The following BCAR1 variants were observed in gnomAD, a reference collection of about 807,000 sequenced individuals.
BCAR1 encodes the protein BCAR1 scaffold protein, Cas family member.
Under a neutral mutation model 67.6 loss-of-function variants are expected in BCAR1, and 30 were observed. The ratio of observed to expected loss-of-function variants is 0.44; its 90% CI spans 0.33 to 0.60. The LOEUF is 0.60. Ranked by LOEUF, BCAR1 falls within the 20% of genes least tolerant of loss-of-function variation. BCAR1 has a pLI of 0.02. For synonymous variants in BCAR1, 626 were observed against 556.7 expected, an observed-to-expected ratio of 1.12 and a Z score of -1.75; for missense variants, 1,313 against 1,222.3, an observed-to-expected ratio of 1.07 and a Z score of -1.11.
In BCAR1 at chr16:75,237,209, GC is replaced by G; in HGVS notation, c.768del (p.Leu257CysfsTer56). The G allele has an allele frequency of 1.3e-6, 2 of 1,569,882 alleles. No homozygotes were observed. The highest frequency in any genetic ancestry group is 2.4e-5 in the East Asian group (1 of 42,112). On this transcript the variant is annotated frameshift_variant, in exon 3 of 7. Coordinates refer to ENST00000162330, the MANE Select transcript of BCAR1 (RefSeq NM_014567.5). LOFTEE classifies it high-confidence loss of function. ...TCCTGGCCATACTGGCTGGGAAGCAGCCCCCGAACCGGGGGCACATCATAGA... is the reference window on the plus strand; with the variant it reads ...TCCTGGCCATACTGGCTGGGAAGCAGCCCCGAACCGGGGGCACATCATAGA... ...QDIYDVPPVR[G>X]LLPSQYGQEV...
intron 1 of BCAR1, among the ~76,000 whole-genome samples, chr16:75,250,443 A>C (rs1468093083): frequency 6.6e-6 from 1 of 152,178 alleles, no homozygotes; most frequent in Non-Finnish European, 1.5e-5. Flanking sequence ...CTCACTAGCA[A>C]AGAAGAGATC....
chr16:75,252,932 T>C (rs1407337172), upstream of BCAR1, among the ~76,000 whole-genome samples: 1 of 152,200 alleles, frequency 6.6e-6, no homozygotes, highest in Non-Finnish European at 1.5e-5. Flanking sequence ...AACAGACTCC[T>C]GTGTCCCACC....
At chr16:75,250,746 A>G (rs1463614118) in intron 1 of BCAR1, 5 of 985,308 alleles carry the variant, frequency 5.1e-6, no homozygotes, top group East Asian at 2.3e-4. Flanking sequence ...TCCCCCAACC[A>G]TGGACTCCAA....
Position 75,229,564 on chromosome 16 carries a change from C to T in BCAR1, c.2560G>A (p.Gly854Ser), listed in dbSNP as rs1256493358. Residue 854 changes from glycine to serine, a missense_variant, in exon 7 of 7, where the codon GGC (glycine) becomes AGC (serine). By Grantham distance (56) the Gly-to-Ser change is moderately conservative. Transcript: ENST00000162330. ...QDMVERVKELGHSTQQFRRVL... is the reference protein window; with the variant it reads ...QDMVERVKELSHSTQQFRRVL... ...CGGCGGAACTGCTGGGTGCTGTGGC[C>T]CAGCTCCTTGACCCTCTCCACCATG... 3.1e-6 allele frequency: 5 copies of T among 1,607,566 alleles called. No individual in the cohort carries two copies. Among genetic ancestry groups the T allele is most frequent in the Non-Finnish European group, 4.2e-6 (5 of 1,177,930 alleles).
intron 5 of BCAR1, among the ~76,000 whole-genome samples, chr16:75,234,596 C>A (rs1031448243): frequency 1.3e-5 from 2 of 152,242 alleles, no homozygotes; most frequent in Non-Finnish European, 2.9e-5. Flanking sequence ...GCTGCTCCCC[C>A]ACGCTCAGAG....
At chr16:75,265,558 C>G (rs1047637470) in intron 1 of BCAR1, among the ~76,000 whole-genome samples, 3 of 151,970 alleles carry the variant, frequency 2.0e-5, no homozygotes, top group Non-Finnish European at 4.4e-5. Context: ...TCTTCCCGAC[C>G]TAGCCATCTT....
chr16:75,244,087 G>A (rs951580590), intron 1 of BCAR1, among the ~76,000 whole-genome samples: 3 of 152,220 alleles, frequency 2.0e-5, no homozygotes, highest in South Asian at 2.1e-4. Context: ...CAGGGAAGCC[G>A]GGTGTGAGAA....
chr16:75,235,467 G>A lies in BCAR1; in HGVS notation c.1432C>T (p.Leu478=). The change falls in exon 5 of 7, where the codon CTG becomes TTG. Residue 478 remains leucine, a synonymous_variant. Transcript: ENST00000162330. The stretch of plus-strand genomic sequence containing the variant: ...GCACCGGCGCTGCCTGCCAGGTCCA[G>A]AAGGTGGGCAACGGTGGCGCTCACA... The part of the protein sequence containing the change: ...QGVSATVAHL[L]DLAGSAGATG... 2 of 1,606,690 alleles carry A rather than the reference G, an allele frequency of 1.2e-6. No individual in the cohort carries two copies. Among genetic ancestry groups the A allele is most frequent in the African/African-American group, 1.3e-5 (1 of 74,970 alleles).
chr16:75,234,923 C>T lies in BCAR1; in HGVS notation c.1976G>A (p.Gly659Asp). Residue 659 changes from glycine (G) to aspartate (D), a missense_variant, in exon 5 of 7, where the codon GGC becomes GAC. This residue lies in a region of BCAR1 where 1,272 missense variants were observed against 1,137.5 expected (regional missense o/e 1.12). Transcript: ENST00000162330. ...PDGQYENSEGGWMEDYDYVHL... is the reference protein window; with the variant it reads ...PDGQYENSEGDWMEDYDYVHL... ...GACGTAGTCATAGTCCTCCATCCAG[C>T]CCCCCTCGCTGTTCTCGTACTGCCC... The T allele has an allele frequency of 1.3e-6, 2 of 1,553,316 alleles. No homozygotes were observed. Among genetic ancestry groups the T allele is most frequent in the Non-Finnish European group, 1.7e-6 (2 of 1,144,712 alleles).
At chr16:75,234,164 GACACACAC>G (rs60447098) in intron 5 of BCAR1, among the ~76,000 whole-genome samples, 293 of 95,028 alleles carry the variant, frequency 3.1e-3, no homozygotes, top group Non-Finnish European at 6.1e-3. Context: ...CAGGCAGACA[GACACACAC>G]ACACACACAC....
At chr16:75,232,595 T>G (rs1254844269) in intron 6 of BCAR1, among the ~76,000 whole-genome samples, 1 of 152,216 alleles carries the variant, frequency 6.6e-6, no homozygotes, top group East Asian at 1.9e-4. Flanking sequence ...ATTCTTTTCT[T>G]GGGTGTTTTC....
At chr16:75,230,147 C>T in intron 6 of BCAR1, 124 bp from the exon 7 acceptor site, 1 of 1,226,122 alleles carries the variant, frequency 8.2e-7, no homozygotes, top group Non-Finnish European at 1.1e-6. Context: ...CATGGGACTG[C>T]AGGGAAACGG....
intron 6 of BCAR1, among the ~76,000 whole-genome samples, chr16:75,232,143 A>C (rs2076921411): frequency 6.8e-6 from 1 of 147,830 alleles, no homozygotes; most frequent in Non-Finnish European, 1.5e-5. Context: ...CTCGGCACCC[A>C]GGAGGTTTTT....
chr16:75,254,644 G>A (rs547947967), upstream of BCAR1, among the ~76,000 whole-genome samples: 25 of 152,332 alleles, frequency 1.6e-4, no homozygotes, highest in South Asian at 4.4e-3. Flanking sequence ...GGAGGAGCTG[G>A]GAGAGGTTGT....
At chr16:75,253,254 C>T (rs2077713329), upstream of BCAR1, among the ~76,000 whole-genome samples, 3 of 152,222 alleles carry the variant, frequency 2.0e-5, no homozygotes, top group Non-Finnish European at 4.4e-5. Context: ...GGCTGGCACA[C>T]CAGCTTCCCA....
At chr16:75,262,420 T>C (rs892481789) in intron 1 of BCAR1, among the ~76,000 whole-genome samples, 2 of 152,196 alleles carry the variant, frequency 1.3e-5, no homozygotes, top group African/African-American at 4.8e-5. Flanking sequence ...AGGCTTCCTA[T>C]GGATGATGGC....
chr16:75,238,761 G>A, intron 2 of BCAR1: 3 of 985,540 alleles, frequency 3.0e-6, no homozygotes, highest in Non-Finnish European at 3.6e-6. Flanking sequence ...CCCCAGACTT[G>A]AGTCTCCTCC....
Position 75,236,904 on chromosome 16 carries a change from A to G in BCAR1, c.890T>C (p.Leu297Pro). The G allele has an allele frequency of 6.2e-7, 1 of 1,612,380 alleles. No homozygotes were observed. Among genetic ancestry groups the G allele is most frequent in the African/African-American group, 1.3e-5 (1 of 75,028 alleles). ...YDVPPSVEKG[L>P]PPSNHHAVYD... is the part of the protein sequence containing the mutation. The stretch of plus-strand genomic sequence containing the variant: ...CACTGCGTGGTGGTTGGACGGTGGC[A>G]GGCCCTTCTCCACACTGGGGGGCAC... The change falls in exon 4 of 7, where the codon CTG becomes CCG. Residue 297 changes from leucine (L) to proline (P), a missense_variant. Physicochemically the swap from Leu to Pro is moderately conservative, Grantham distance 98. Around this residue, in one of 2 missense-constraint regions of BCAR1, gnomAD observed 1,272 missense variants for 1,137.5 expected, o/e 1.12. Coordinates refer to ENST00000162330, the MANE Select transcript of BCAR1 (RefSeq NM_014567.5).
intron 1 of BCAR1, among the ~76,000 whole-genome samples, chr16:75,244,643 G>T (rs1022714277): frequency 1.2e-4 from 19 of 152,236 alleles, no homozygotes; most frequent in Admixed American, 1.2e-3. Flanking sequence ...CTCCAGAGCA[G>T]CTAGGAGCCT....
Sources: gnomAD v4.1 joint callset for allele counts (sites outside exome capture counted in the v4.1 genomes callset) on GRCh38, gnomAD v4.1.1 for gene constraint, gnomAD v4.1.1 regional missense constraint, MANE v1.5 for transcripts, NCBI Gene and HGNC (gene_info 2026-07-23, HGNC 2026-07-21) for gene names.